The following PLCB4 variants were observed in gnomAD, a reference collection of about 807,000 sequenced individuals.
PLCB4 encodes the protein phospholipase C beta 4, also known as 1-phosphatidylinositol 4,5-bisphosphate phosphodiesterase beta-4.
PLCB4 carries 77 observed loss-of-function variants against 178.8 expected under a neutral mutation model. The observed-to-expected ratio is 0.43, with a 90% confidence interval of 0.36 to 0.52. PLCB4 has a LOEUF of 0.52. Among genes scored for constraint, PLCB4 ranks in the 20% least tolerant of loss-of-function variants. The pLI, the probability that PLCB4 is intolerant of heterozygous loss-of-function variation, is 0.00. For missense variants in PLCB4, 1,024 were observed against 1,453.4 expected (o/e 0.70, Z 4.80); for synonymous variants, 496 against 490.8 (o/e 1.01, Z -0.14).
rs898152711 is a variant in PLCB4 at position 9,299,666 on chromosome 20, G to A, written c.-15-8134G>A. 2.0e-5 allele frequency among the ~76,000 whole-genome samples: 3 copies of A among 151,858 alleles called. 1 individual carries two copies. The South Asian group carries it at 6.2e-4, about 32-fold the overall frequency. On this transcript the variant is annotated intron_variant, in intron 3 of 39. Coordinates refer to ENST00000378473, the MANE Select transcript of PLCB4 (RefSeq NM_001377142.1). ...TCCTTTAAAGTACTATTTTTAATGG[G>A]TACAGTATTTAAGTACTAGAGTGTG... is the stretch of plus-strand genomic sequence containing the variant.
chr20:9,288,133 G>A (rs989271684), intron 3 of PLCB4, among the ~76,000 whole-genome samples: 4 of 152,060 alleles, frequency 2.6e-5, no homozygotes, highest in Admixed American at 6.6e-5. Flanking sequence ...ATCGACTGTT[G>A]CTTAAATGTT....
intron 2 of PLCB4, among the ~76,000 whole-genome samples, chr20:9,167,306 C>G (rs919340740): frequency 2.0e-5 from 3 of 151,880 alleles, no homozygotes; most frequent in Non-Finnish European, 2.9e-5. Context: ...TCTGTGAATA[C>G]TTAAATATAA....
intron 27 of PLCB4, among the ~76,000 whole-genome samples, chr20:9,422,382 C>T (rs925375155): frequency 2.1e-4 from 32 of 152,202 alleles, no homozygotes; most frequent in African/African-American, 7.0e-4. Flanking sequence ...ACACAATCTT[C>T]GCATCCCATT....
At chr20:9,419,679 G>C in intron 25 of PLCB4, 128 bp from the exon 26 acceptor site, 1 of 695,714 alleles carries the variant, frequency 1.4e-6, no homozygotes, top group Non-Finnish European at 2.6e-6. Context: ...CCATCCTTAG[G>C]ACCCTCTGCC....
At chr20:9,262,204 C>CT (rs2094304810) in intron 3 of PLCB4, among the ~76,000 whole-genome samples, 1 of 152,086 alleles carries the variant, frequency 6.6e-6, no homozygotes, top group African/African-American at 2.4e-5. Flanking sequence ...GAACCATTAA[C>CT]TTTTTTTAAA....
chr20:9,155,015 G>C (rs985363276), intron 2 of PLCB4, among the ~76,000 whole-genome samples: 1 of 142,404 alleles, frequency 7.0e-6, no homozygotes, highest in African/African-American at 2.6e-5. Flanking sequence ...GAATTATGTA[G>C]TGGTGAATTC....
At chr20:9,098,082 G>A (rs374647676) in intron 2 of PLCB4, among the ~76,000 whole-genome samples, 3 of 152,208 alleles carry the variant, frequency 2.0e-5, no homozygotes, top group East Asian at 1.9e-4. Flanking sequence ...AATTATTGCA[G>A]TGAATTGACT....
intron 4 of PLCB4, among the ~76,000 whole-genome samples, chr20:9,318,187 A>G (rs2094921109): frequency 6.6e-6 from 1 of 152,282 alleles, no homozygotes; most frequent in South Asian, 2.1e-4. Context: ...AAAGAGTTTA[A>G]TAGAGACAAG....
At chr20:9,468,746 T>TAC (rs922570188) in intron 36 of PLCB4, 74 bp downstream of exon 36, 148 of 806,522 alleles carry the variant, frequency 1.8e-4, no homozygotes, top group African/African-American at 1.6e-3. Flanking sequence ...TTTATGTGTG[T>TAC]ACACACACAC....
At chr20:9,403,918 C>A (rs2039233496) in intron 20 of PLCB4, among the ~76,000 whole-genome samples, 2 of 152,186 alleles carry the variant, frequency 1.3e-5, no homozygotes. Flanking sequence ...AGGTCGTTGG[C>A]AACCTTAAAG....
chr20:9,084,837 G>A (rs549123847), intron 1 of PLCB4, among the ~76,000 whole-genome samples: 1 of 151,968 alleles, frequency 6.6e-6, no homozygotes, highest in African/African-American at 2.4e-5. Flanking sequence ...ATTTTCACAA[G>A]GTCAGGAGAT....
chr20:9,216,650 C>G (rs1488784834), intron 2 of PLCB4, among the ~76,000 whole-genome samples: 1 of 136,290 alleles, frequency 7.3e-6, no homozygotes, highest in African/African-American at 2.8e-5. Context: ...CAGGCACGCA[C>G]CACCACACTT....
rs183846380 is a variant in PLCB4, at chr20:9,160,569, T to C, written c.-78-56821T>C. ...CATGTTTTATAGCTTCCTGAAGAAATAGAATCAATTTCAGTTTTTGCAACT... is the reference window on the plus strand; with the variant it reads ...CATGTTTTATAGCTTCCTGAAGAAACAGAATCAATTTCAGTTTTTGCAACT... On this transcript the variant is annotated intron_variant, in intron 2 of 39. Transcript: ENST00000378473. Among the ~76,000 whole-genome samples, 9 of 152,270 alleles carry C rather than the reference T, an allele frequency of 5.9e-5. No homozygotes were observed. The East Asian group carries it at 9.6e-4, about 16-fold the overall frequency.
intron 25 of PLCB4, 34 bp downstream of exon 25, chr20:9,411,122 A>G (rs763795836): frequency 7.0e-7 from 1 of 1,419,090 alleles, no homozygotes; most frequent in Non-Finnish European, 1.0e-6. Context: ...TTTCACCTAG[A>G]TTGAGAACTC....
chr20:9,134,343 T>G, intron 2 of PLCB4, among the ~76,000 whole-genome samples: 1 of 152,356 alleles, frequency 6.6e-6, no homozygotes, highest in East Asian at 1.9e-4. Context: ...AATAATTTTA[T>G]AATTTTTAGC....
rs377597486 is a variant in PLCB4 at position 9,337,990 on chromosome 20, T to C, written c.166-18T>C. 1 of 1,602,698 alleles carries C rather than the reference T, an allele frequency of 6.2e-7. No individual in the cohort carries two copies. ...GCATAATTTAAGCTCATTGCTGTGT[T>C]GTATTCTCTCTCTTCAGGAAGGACA... On this transcript the variant is annotated intron_variant, in intron 5 of 39. Transcript: ENST00000378473.
chr20:9,113,848 C>T (rs935949819), intron 2 of PLCB4, among the ~76,000 whole-genome samples: 19 of 151,974 alleles, frequency 1.3e-4, no homozygotes, highest in African/African-American at 4.3e-4. Flanking sequence ...ACATATATAC[C>T]TAGTGTTGTG....
At chr20:9,105,280 A>G (rs553933458) in intron 2 of PLCB4, among the ~76,000 whole-genome samples, 42 of 152,160 alleles carry the variant, frequency 2.8e-4, no homozygotes, top group Non-Finnish European at 5.3e-4. Context: ...TTTCCTAGAA[A>G]TGTATGGTAG....
At chr20:9,073,452 T>G (rs2089670125) in intron 1 of PLCB4, among the ~76,000 whole-genome samples, 1 of 152,238 alleles carries the variant, frequency 6.6e-6, no homozygotes. Context: ...GGGCTACTAC[T>G]AGATCTTGGC....
Sources: gnomAD v4.1 joint callset for allele counts (sites outside exome capture counted in the v4.1 genomes callset) on GRCh38, gnomAD v4.1.1 for gene constraint, MANE v1.5 for transcripts, NCBI Gene and HGNC (gene_info 2026-07-23, HGNC 2026-07-21) for gene names.